The following CSNK1G2 variants were observed in gnomAD, a reference collection of about 807,000 sequenced individuals.
CSNK1G2 encodes the protein casein kinase 1 gamma 2.
CSNK1G2 carries 11 observed loss-of-function variants against 48.0 expected under a neutral mutation model. The ratio of observed to expected loss-of-function variants is 0.23; its 90% CI spans 0.14 to 0.38. The LOEUF is 0.38. Among genes scored for constraint, CSNK1G2 ranks in the 10% least tolerant of loss-of-function variants. CSNK1G2 has a pLI of 1.00. For missense variants in CSNK1G2, 446 were observed against 595.5 expected (o/e 0.75, Z 2.61); for synonymous variants, 337 against 254.1 (o/e 1.33, Z -3.10).
intron 1 of CSNK1G2, among the ~76,000 whole-genome samples, chr19:1,963,902 T>C (rs1198719249): frequency 6.8e-6 from 1 of 147,818 alleles, no homozygotes; most frequent in African/African-American, 2.5e-5. Flanking sequence ...CTGCAACCTC[T>C]GCCTCCTGGG....
At chr19:1,954,067 G>T in intron 1 of CSNK1G2, 2 of 508,250 alleles carry the variant, frequency 3.9e-6, no homozygotes, top group South Asian at 1.4e-5. Flanking sequence ...TTCCTCCCAT[G>T]GGGTGGGCGG....
In CSNK1G2 at chr19:1,969,807, C is replaced by T. The variant is rs757675039; in HGVS notation, c.35C>T (p.Thr12Met). The T allele has an allele frequency of 1.2e-5, 16 of 1,309,350 alleles. No homozygotes were observed. The highest frequency in any genetic ancestry group is 1.1e-4 in the African/African-American group (7 of 66,326). 81.1% of individuals were successfully genotyped at this position (1,309,350 alleles called of 1,614,324 possible). A position where few individuals can be genotyped will look rare whatever the true frequency, so the allele number is the denominator to read the frequency against. ...GACAAGAAAGGAGGGAAAGGGGAGA[C>T]GGAGGAGGGCCGGAGAATGTCCAAG... ...DFDKKGGKGE[T>M]EEGRRMSKAG... The change falls in exon 2 of 12, where the codon ACG (threonine) becomes ATG (methionine). Residue 12 changes from threonine to methionine, a missense_variant. Physicochemically the swap from Thr to Met is moderately conservative, Grantham distance 81. Transcript: ENST00000255641.
intron 1 of CSNK1G2, among the ~76,000 whole-genome samples, chr19:1,966,000 T>C (rs754953163): frequency 7.9e-5 from 12 of 152,182 alleles, no homozygotes; most frequent in Non-Finnish European, 1.8e-4. Context: ...GGTCTCCCTG[T>C]GTTGCCCAGG....
intron 1 of CSNK1G2, among the ~76,000 whole-genome samples, chr19:1,948,682 A>G (rs1452100290): frequency 1.3e-5 from 2 of 152,178 alleles, no homozygotes; most frequent in Admixed American, 6.5e-5. Context: ...CAACGTGTGC[A>G]CGCAAGTGGT....
At chr19:1,967,330 C>T (rs555256840) in intron 1 of CSNK1G2, among the ~76,000 whole-genome samples, 1 of 152,206 alleles carries the variant, frequency 6.6e-6, no homozygotes, top group Non-Finnish European at 1.5e-5. Flanking sequence ...GGCCCCTCTT[C>T]ACCCGCGGCC....
intron 1 of CSNK1G2, among the ~76,000 whole-genome samples, chr19:1,942,834 G>C (rs910779541): frequency 6.6e-6 from 1 of 152,172 alleles, no homozygotes; most frequent in South Asian, 2.1e-4. Context: ...GTTGTCACTG[G>C]TACTTTGTTT....
intron 1 of CSNK1G2, among the ~76,000 whole-genome samples, chr19:1,962,027 C>T (rs935762466): frequency 1.3e-5 from 2 of 152,188 alleles, no homozygotes; most frequent in African/African-American, 2.4e-5. Context: ...GCCAAAAACA[C>T]GCAAATTAAA....
chr19:1,950,629 C>T (rs2014730456), intron 1 of CSNK1G2, among the ~76,000 whole-genome samples: 1 of 146,136 alleles, frequency 6.8e-6, no homozygotes, highest in South Asian at 2.2e-4. Flanking sequence ...ACAGCCAAGG[C>T]CTCCTTCCAT....
chr19:1,975,676 C>T, intron 2 of CSNK1G2: 1 of 985,022 alleles, frequency 1.0e-6, no homozygotes, highest in South Asian at 4.7e-5. Context: ...GAACCTGCAG[C>T]TGATTCAGGG....
Position 1,980,366 on chromosome 19 carries a change from C to A in CSNK1G2, c.*163C>A. ...GCGCCTGGCTCAGGCGGCCCCACCC[C>A]CGGGACGTGGGGTCACTTCCTTCAT... On this transcript the variant is annotated 3_prime_UTR_variant, in exon 12 of 12. Transcript: ENST00000255641. 1.2e-6 allele frequency: 1 copy of A among 815,002 alleles called. No homozygotes were observed. Among genetic ancestry groups the A allele is most frequent in the Non-Finnish European group, 2.0e-6 (1 of 495,756 alleles). The allele number at this position is 815,002 out of a possible 1,614,324, so 50.5% of individuals were successfully genotyped here.
intron 2 of CSNK1G2, among the ~76,000 whole-genome samples, chr19:1,977,819 A>G (rs1331424091): frequency 1.3e-5 from 2 of 151,706 alleles, no homozygotes; most frequent in African/African-American, 2.4e-5. Context: ...CAGCCCTGGA[A>G]GTCCTATGTG....
Position 1,981,005 on chromosome 19 carries a change from C to T in CSNK1G2, c.*802C>T, listed in dbSNP as rs1360600671. 2.6e-5 allele frequency: 4 copies of T among 152,214 alleles called. No homozygotes were observed. The highest frequency in any genetic ancestry group is 5.9e-5 in the Non-Finnish European group (4 of 68,044). 9.4% of individuals were successfully genotyped at this position (152,214 alleles called of 1,614,324 possible). A position where few individuals can be genotyped will look rare whatever the true frequency, so the allele number is the denominator to read the frequency against. On this transcript the variant is annotated 3_prime_UTR_variant, in exon 12 of 12. Transcript: ENST00000255641. ...CCCTGCTCGGCCCTCAGCCCTGCCG[C>T]GTGGGGCGCGTGGGCACGGAGCTTC...
chr19:1,950,386 T>A (rs77008319), intron 1 of CSNK1G2, among the ~76,000 whole-genome samples: 11 of 146,692 alleles, frequency 7.5e-5, no homozygotes, highest in Non-Finnish European at 1.5e-4. Flanking sequence ...TGATCCGCCC[T>A]CCTCGGCCTC....
Position 1,978,287 on chromosome 19 carries a change from T to A in CSNK1G2, c.188-18T>A. 1 of 1,613,242 alleles carries A rather than the reference T, an allele frequency of 6.2e-7. No homozygotes were observed. The highest frequency in any genetic ancestry group is 8.5e-7 in the Non-Finnish European group (1 of 1,179,788). On this transcript the variant is annotated intron_variant, in intron 2 of 11. Coordinates refer to ENST00000255641, the MANE Select transcript of CSNK1G2 (RefSeq NM_001319.7). This position sits in a 1 kb window ranked among gnomAD's most constrained non-coding sequence, Gnocchi z 7.3. ...GTGGGCCCTGCGCTGGCGGTGCTGA[T>A]GGTCTCTGTCCCCGCAGGAAAGAAT... is the stretch of plus-strand genomic sequence containing the variant.
At chr19:1,951,534 C>T (rs998147990) in intron 1 of CSNK1G2, among the ~76,000 whole-genome samples, 11 of 146,442 alleles carry the variant, frequency 7.5e-5, no homozygotes, top group East Asian at 4.2e-4. Flanking sequence ...GAGGCAGCAC[C>T]AGCTGTGGTG....
chr19:1,953,139 G>C, intron 1 of CSNK1G2: 1 of 377,118 alleles, frequency 2.7e-6, no homozygotes, highest in Non-Finnish European at 5.2e-6. Flanking sequence ...GAGCCACCCC[G>C]GGTCCCACTC....
At chr19:1,964,424 C>A (rs560667699) in intron 1 of CSNK1G2, among the ~76,000 whole-genome samples, 1 of 152,146 alleles carries the variant, frequency 6.6e-6, no homozygotes, top group African/African-American at 2.4e-5. Flanking sequence ...AAGAAACAGC[C>A]TTCTGGAAGA....
At chr19:1,960,957 G>T (rs2015178408) in intron 1 of CSNK1G2, among the ~76,000 whole-genome samples, 1 of 152,252 alleles carries the variant, frequency 6.6e-6, no homozygotes, top group African/African-American at 2.4e-5. Context: ...AGGGTTTCCA[G>T]AAGAAGGAGA....
chr19:1,951,839 G>A (rs535662216), intron 1 of CSNK1G2, among the ~76,000 whole-genome samples: 5 of 151,352 alleles, frequency 3.3e-5, no homozygotes, highest in African/African-American at 9.7e-5. Context: ...CGCCACCACA[G>A]CTGGCTAATT....
Sources: allele counts gnomAD v4.1 joint callset (sites outside exome capture counted in the v4.1 genomes callset), GRCh38; gene constraint gnomAD v4.1.1; non-coding constraint Gnocchi (gnomAD v3.1); transcripts MANE v1.5; gene names NCBI Gene and HGNC (gene_info 2026-07-23, HGNC 2026-07-21).